Variants in ECM2 observed in about 807,000 individuals in gnomAD.
ECM2 encodes extracellular matrix protein 2.
A neutral mutation model predicts 67.5 loss-of-function variants in ECM2; 57 were observed. The ratio of observed to expected loss-of-function variants is 0.84; its 90% CI spans 0.68 to 1.05. ECM2 has a LOEUF of 1.05. Among genes scored for constraint, ECM2 ranks in the 50% least tolerant of loss-of-function variants. The pLI, the probability that ECM2 is intolerant of heterozygous loss-of-function variation, is 0.00. For synonymous variants in ECM2, 258 were observed against 294.5 expected (o/e 0.88, Z 1.27); for missense variants, 741 against 822.8 (o/e 0.90, Z 1.22).
the ECM2 span, among the ~76,000 whole-genome samples, chr9:92,550,725 G>C: frequency 6.6e-6 from 1 of 152,152 alleles, no homozygotes; most frequent in East Asian, 1.9e-4. Context: ...CCTTAAGCCA[G>C]CAAGCAGTTA....
downstream of ECM2, chr9:92,493,965 T>C (rs1479937751): frequency 1.2e-6 from 1 of 853,898 alleles, no homozygotes; most frequent in Non-Finnish European, 1.8e-6. Context: ...CCGTTGAGGG[T>C]GGCCGTAGTC....
chr9:92,514,997 T>A lies in ECM2; in HGVS notation c.688A>T (p.Thr230Ser), dbSNP rs752690562. 5 of 1,613,960 alleles carry A rather than the reference T, an allele frequency of 3.1e-6. No individual in the cohort carries two copies. The African/African-American group carries it at 5.3e-5, about 17-fold the overall frequency. ...TGCCCCTGATTTCTAGATTCAGGGG[T>A]CTCTCTCTTTTGCTCTGTATCTTCT... ...KEEDTEQKRE[T>S]PESRNQGQLY... The change falls in exon 4 of 10, where the codon ACC becomes TCC. Residue 230 changes from threonine to serine, a missense_variant. By Grantham distance (58) the Thr-to-Ser change is moderately conservative (BLOSUM62 1). Coordinates refer to ENST00000344604, the MANE Select transcript of ECM2 (RefSeq NM_001393.4).
At position 92,495,856 on chromosome 9, in the gene ECM2, A is replaced by C. The variant is rs567835252; in HGVS notation, c.*459T>G. 2.0e-6 allele frequency: 2 copies of C among 975,910 alleles called. No individual in the cohort carries two copies. The highest frequency in any genetic ancestry group is 9.5e-5 in the South Asian group (2 of 21,094). 60.5% of individuals were successfully genotyped at this position (975,910 alleles called of 1,614,324 possible). ...CACAGGACCTTATAAGAAATTAACA[A>C]ATTATTGTTTTAATAATAAACAACA... On this transcript the variant is annotated 3_prime_UTR_variant, in exon 10 of 10. Transcript: ENST00000344604.
chr9:92,554,659 A>G, the ECM2 span, among the ~76,000 whole-genome samples: 1 of 151,282 alleles, frequency 6.6e-6, no homozygotes, highest in Admixed American at 6.6e-5. Flanking sequence ...TTTTTCCGAG[A>G]TGGAGTCTTG....
downstream of ECM2, among the ~76,000 whole-genome samples, chr9:92,494,378 T>C (rs1339421714): frequency 6.6e-6 from 1 of 152,244 alleles, no homozygotes; most frequent in African/African-American, 2.4e-5. Flanking sequence ...CCCTATCTTC[T>C]TGTTTTTACC....
In ECM2 at chr9:92,514,849, C is replaced by CCCT. The variant is rs754026851; in HGVS notation, c.833_835dup (p.Glu278dup). On this transcript the variant is annotated inframe_insertion, in exon 4 of 10. Coordinates refer to ENST00000344604, the MANE Select transcript of ECM2 (RefSeq NM_001393.4). ...CTCCTCATCCTCCTCACCCTCCTCA[C>CCCT]CCTCCTCCTCCTCATCCTCCTCCTC... The CCCT allele has an allele frequency of 8.1e-6, 13 of 1,611,610 alleles. No individual in the cohort carries two copies. Among genetic ancestry groups the CCCT allele is most frequent in the East Asian group, 2.2e-5 (1 of 44,854 alleles).
At position 92,500,939 on chromosome 9, in the gene ECM2, G is replaced by T. The variant is rs763992107; in HGVS notation, c.1719C>A (p.Gly573=). 6.2e-7 allele frequency: 1 copy of T among 1,614,198 alleles called. No individual in the cohort carries two copies. The highest frequency in any genetic ancestry group is 1.1e-5 in the South Asian group (1 of 91,080). The change falls in exon 9 of 10, where the codon GGC becomes GGA. Residue 573 remains glycine (G), a synonymous_variant. Transcript: ENST00000344604. The part of the protein sequence containing the change: ...LLGNQIERIP[G]YVFGHMEPGL... ...CTGGTTCCATGTGGCCAAACACATA[G>T]CCAGGGATCCGTTCAATCTGGTTCC...
intron 3 of ECM2, 77 bp from the exon 4 acceptor site, chr9:92,515,280 G>T: frequency 7.3e-7 from 1 of 1,377,722 alleles, no homozygotes; most frequent in Non-Finnish European, 9.4e-7. Context: ...ATGAAAATGA[G>T]GTTAGTAAAT....
the ECM2 span, among the ~76,000 whole-genome samples, chr9:92,544,712 A>T: frequency 2.3e-5 from 3 of 132,420 alleles, no homozygotes; most frequent in Admixed American, 8.0e-5. Context: ...ATCACTATAA[A>T]TTTTTTTTTT....
the ECM2 span, among the ~76,000 whole-genome samples, chr9:92,546,044 C>G: frequency 6.6e-6 from 1 of 151,872 alleles, no homozygotes; most frequent in Non-Finnish European, 1.5e-5. Context: ...GTGTCTAGCT[C>G]AGGGTTTGCA....
At chr9:92,551,404 C>T in the ECM2 span, among the ~76,000 whole-genome samples, 1 of 152,126 alleles carries the variant, frequency 6.6e-6, no homozygotes, top group East Asian at 1.9e-4. Flanking sequence ...GTGGCACAAC[C>T]ATGGCTTACT....
chr9:92,532,536 A>G (rs753809474), intron 1 of ECM2, among the ~76,000 whole-genome samples: 3 of 151,648 alleles, frequency 2.0e-5, no homozygotes, highest in East Asian at 3.9e-4. Context: ...TTGTTTGTCT[A>G]TCTCTTCAGT....
chr9:92,543,326 G>A, the ECM2 span, among the ~76,000 whole-genome samples: 1,101 of 151,750 alleles, frequency 7.3e-3, 14 homozygotes, highest in African/African-American at 0.025. Flanking sequence ...TACAAAAATT[G>A]GCTGGGCATG....
upstream of ECM2, among the ~76,000 whole-genome samples, chr9:92,538,190 TATAG>T (rs1429925231): frequency 1.3e-5 from 2 of 152,190 alleles, no homozygotes; most frequent in African/African-American, 2.4e-5. Flanking sequence ...CCCAGTTGTG[TATAG>T]ATAGAGAACA....
chr9:92,533,305 A>AAC (rs1289680784), intron 1 of ECM2, among the ~76,000 whole-genome samples: 72 of 37,930 alleles, frequency 1.9e-3, no homozygotes, highest in Non-Finnish European at 2.1e-3. Flanking sequence ...GTCTCAAACA[A>AAC]AAAAAAAAAA....
chr9:92,556,431 A>G, the ECM2 span, among the ~76,000 whole-genome samples: 1 of 152,034 alleles, frequency 6.6e-6, no homozygotes, highest in Non-Finnish European at 1.5e-5. Flanking sequence ...TGTAACAAGT[A>G]TGGAAATTCC....
intron 1 of ECM2, chr9:92,527,925 C>T (rs2131267772): frequency 6.5e-6 from 1 of 154,128 alleles, no homozygotes; most frequent in South Asian, 2.0e-4. Flanking sequence ...ATTGCCATAA[C>T]AACATTCCTA....
At chr9:92,549,314 G>A in the ECM2 span, among the ~76,000 whole-genome samples, 4 of 152,188 alleles carry the variant, frequency 2.6e-5, no homozygotes, top group African/African-American at 9.7e-5. Flanking sequence ...TGAGCTACTT[G>A]ATGAGGTTCC....
At chr9:92,537,955 A>G (rs1398450381), upstream of ECM2, among the ~76,000 whole-genome samples, 3 of 152,150 alleles carry the variant, frequency 2.0e-5, no homozygotes, top group African/African-American at 7.2e-5. Flanking sequence ...AAATACATAC[A>G]TTGTTTTTTG....
Sources: allele counts gnomAD v4.1 joint callset (sites outside exome capture counted in the v4.1 genomes callset), GRCh38; gene constraint gnomAD v4.1.1; transcripts MANE v1.5; gene names NCBI Gene and HGNC (gene_info 2026-07-23, HGNC 2026-07-21).